Variants in ADGRL2 observed in about 807,000 individuals in gnomAD.
ADGRL2 encodes adhesion G protein-coupled receptor L2.
ADGRL2 carries 44 observed loss-of-function variants against 157.4 expected under a neutral mutation model. That is an observed-to-expected ratio of 0.28 (90% CI 0.22 to 0.36). The LOEUF (loss-of-function observed/expected upper bound fraction) is 0.36, where lower values mean the gene tolerates loss of function less well. Ranked by LOEUF, ADGRL2 falls within the 10% of genes least tolerant of loss-of-function variation. The pLI is 1.00. For synonymous variants in ADGRL2, 585 were observed against 624.7 expected (o/e 0.94, Z 0.95); for missense variants, 1,510 against 1,768.9 (o/e 0.85, Z 2.63).
intron 1 of ADGRL2, among the ~76,000 whole-genome samples, chr1:81,805,030 G>C (rs1305899013): frequency 6.6e-6 from 1 of 152,104 alleles, no homozygotes; most frequent in Non-Finnish European, 1.5e-5. Context: ...TCAAATTTTT[G>C]TGAATTCTAT....
intron 2 of ADGRL2, among the ~76,000 whole-genome samples, chr1:81,573,116 C>T (rs1346773348): frequency 6.6e-6 from 1 of 151,842 alleles, no homozygotes; most frequent in Non-Finnish European, 1.5e-5. Flanking sequence ...AATTTAATAT[C>T]TTTCAAATTC....
chr1:81,731,370 C>G (rs1443566134), intron 1 of ADGRL2, among the ~76,000 whole-genome samples: 1 of 152,080 alleles, frequency 6.6e-6, no homozygotes, highest in Non-Finnish European at 1.5e-5. Flanking sequence ...TTTGTACTTA[C>G]CTATACCAAA....
intron 1 of ADGRL2, among the ~76,000 whole-genome samples, chr1:81,389,966 T>G (rs1474806836): frequency 6.6e-6 from 1 of 152,156 alleles, no homozygotes; most frequent in Non-Finnish European, 1.5e-5. Flanking sequence ...TGTTTAAGCT[T>G]GAATAAATCT....
intron 1 of ADGRL2, among the ~76,000 whole-genome samples, chr1:81,824,409 G>A (rs1571455032): frequency 6.6e-6 from 1 of 152,018 alleles, no homozygotes; most frequent in Admixed American, 6.6e-5. Flanking sequence ...CAAGAAGCTG[G>A]AACTACAGGC....
At chr1:81,927,978 T>A (rs750495828) in intron 3 of ADGRL2, among the ~76,000 whole-genome samples, 30 of 152,200 alleles carry the variant, frequency 2.0e-4, no homozygotes, top group Admixed American at 1.4e-3. Flanking sequence ...CATTTTTCTC[T>A]TGCATTTGTG....
chr1:81,436,427 C>G (rs2077410937), intron 1 of ADGRL2, among the ~76,000 whole-genome samples: 1 of 152,064 alleles, frequency 6.6e-6, no homozygotes, highest in African/African-American at 2.4e-5. Flanking sequence ...GTTTTCTTTC[C>G]TTCTTTCATT....
chr1:81,419,227 G>A (rs573875904), intron 1 of ADGRL2, among the ~76,000 whole-genome samples: 17 of 151,906 alleles, frequency 1.1e-4, no homozygotes, highest in Admixed American at 7.2e-4. Flanking sequence ...ATTTAGAGAC[G>A]GAGTCTTGCT....
At chr1:81,417,993 T>C (rs945172387) in intron 1 of ADGRL2, among the ~76,000 whole-genome samples, 2 of 152,164 alleles carry the variant, frequency 1.3e-5, no homozygotes, top group Admixed American at 6.5e-5. Flanking sequence ...CACTTGAAAA[T>C]AACTCATAAT....
At chr1:81,956,099 A>T in intron 11 of ADGRL2, 39 bp downstream of exon 11, 1 of 1,441,530 alleles carries the variant, frequency 6.9e-7, no homozygotes, top group Non-Finnish European at 9.5e-7. Context: ...TTGATTTAGG[A>T]TATTCATATG....
rs181314738 is a variant in ADGRL2, at chr1:81,702,790, C to T, written c.-143+2982C>T. 2.3e-3 allele frequency among the ~76,000 whole-genome samples: 351 copies of T among 152,158 alleles called. 2 individuals carry two copies. Among genetic ancestry groups the T allele is most frequent in the African/African-American group, 8.0e-3 (333 of 41,504 alleles). On this transcript the variant is annotated intron_variant, in intron 1 of 20. Coordinates refer to the ADGRL2 transcript ENST00000359929. ...TAAAAAACATCTTAAGGGCTTTTGC[C>T]TATAAGAAATGAATTCTAATGGGGT...
chr1:81,587,561 G>A (rs183963117), intron 3 of ADGRL2, among the ~76,000 whole-genome samples: 200 of 152,228 alleles, frequency 1.3e-3, no homozygotes, highest in Middle Eastern at 6.8e-3. Context: ...GTAGGAGGAA[G>A]AGTCTATCAT....
intron 2 of ADGRL2, among the ~76,000 whole-genome samples, chr1:81,540,874 G>A (rs1403843245): frequency 2.0e-5 from 3 of 151,952 alleles, no homozygotes; most frequent in Non-Finnish European, 4.4e-5. Context: ...ATAATCCAGG[G>A]AGAAATGGTG....
chr1:81,484,212 A>G (rs1266224446), intron 2 of ADGRL2, among the ~76,000 whole-genome samples: 23 of 152,142 alleles, frequency 1.5e-4, no homozygotes, highest in Admixed American at 1.5e-3. Flanking sequence ...TAAAAAACAA[A>G]TATGTCTCTA....
chr1:81,470,717 A>C (rs1224201225), intron 2 of ADGRL2, among the ~76,000 whole-genome samples: 3 of 152,202 alleles, frequency 2.0e-5, no homozygotes, highest in Admixed American at 1.3e-4. Flanking sequence ...ATGATGATGG[A>C]TGTCAAGTCC....
intron 2 of ADGRL2, among the ~76,000 whole-genome samples, chr1:81,561,457 GTTGT>G: frequency 7.2e-6 from 1 of 138,970 alleles, no homozygotes; most frequent in Admixed American, 7.1e-5. Flanking sequence ...TTTTGTTGTT[GTTGT>G]TTTTGTTTTT....
chr1:81,902,922 A>C (rs1206990996), intron 2 of ADGRL2, among the ~76,000 whole-genome samples: 2 of 152,194 alleles, frequency 1.3e-5, no homozygotes, highest in Admixed American at 1.3e-4. Flanking sequence ...ATGGATGTGC[A>C]CAGCACATCC....
At chr1:81,416,002 G>C (rs1221573533) in intron 1 of ADGRL2, among the ~76,000 whole-genome samples, 1 of 151,922 alleles carries the variant, frequency 6.6e-6, no homozygotes, top group Non-Finnish European at 1.5e-5. Context: ...CACCATGCCA[G>C]GCTAATTTTT....
intron 3 of ADGRL2, among the ~76,000 whole-genome samples, chr1:81,689,844 G>A (rs1243555699): frequency 6.6e-6 from 1 of 152,204 alleles, no homozygotes; most frequent in Non-Finnish European, 1.5e-5. Flanking sequence ...AGCCTCATCA[G>A]ATTGTGATTT....
At chr1:81,545,102 A>G (rs1488867964) in intron 2 of ADGRL2, among the ~76,000 whole-genome samples, 1 of 152,142 alleles carries the variant, frequency 6.6e-6, no homozygotes, top group African/African-American at 2.4e-5. Flanking sequence ...GAAAGGAGAG[A>G]AAAAGAAGGG....
Sources: gnomAD v4.1 joint callset for allele counts (sites outside exome capture counted in the v4.1 genomes callset) on GRCh38, gnomAD v4.1.1 for gene constraint, MANE v1.5 for transcripts, NCBI Gene and HGNC (gene_info 2026-07-23, HGNC 2026-07-21) for gene names.